The following FAAH2 variants were observed in gnomAD, a reference collection of about 807,000 sequenced individuals.
The protein encoded by FAAH2 is fatty acid amide hydrolase 2.
Under a neutral mutation model 36.9 loss-of-function variants are expected in FAAH2, and 60 were observed. That is an observed-to-expected ratio of 1.63 (90% CI 1.32 to 2.02). The LOEUF (loss-of-function observed/expected upper bound fraction) is 2.02, where lower values mean the gene tolerates loss of function less well. Among genes scored for constraint, FAAH2 ranks in the 30% most tolerant of loss-of-function variants. The probability of loss-of-function intolerance (pLI) is 0.00; values close to 1 mark genes in which losing one functional copy is unlikely to be tolerated. For missense variants in FAAH2, 689 were observed against 397.5 expected (o/e 1.73, Z -6.23); for synonymous variants, 214 against 143.8 (o/e 1.49, Z -3.49).
chrX:57,393,481 T>C, intron 7 of FAAH2: 1 of 937,138 alleles, frequency 1.1e-6, no homozygotes, highest in Middle Eastern at 2.6e-4. Flanking sequence ...CAAGCTAGAG[T>C]GTGATCCGGT....
At chrX:57,359,353 T>C in intron 5 of FAAH2, among the ~76,000 whole-genome samples, 1 of 111,850 alleles carries the variant, frequency 8.9e-6, no homozygotes, top group South Asian at 3.7e-4. Context: ...TAAGGTATTT[T>C]CTAATTTTCA....
intron 7 of FAAH2, among the ~76,000 whole-genome samples, chrX:57,382,889 G>A (rs945087423): frequency 9.0e-6 from 1 of 111,323 alleles, no homozygotes; most frequent in Non-Finnish European, 1.9e-5. Context: ...AGAATTTTAG[G>A]CCAATAACCC....
At chrX:57,208,404 T>C in the FAAH2 span, among the ~76,000 whole-genome samples, 1 of 112,304 alleles carries the variant, frequency 8.9e-6, no homozygotes, top group Non-Finnish European at 1.9e-5. Context: ...TGTTACCGTG[T>C]TGCTTCTGAG....
At chrX:57,470,307 A>G (rs1055575067) in intron 10 of FAAH2, among the ~76,000 whole-genome samples, 3 of 111,731 alleles carry the variant, frequency 2.7e-5, no homozygotes, top group Non-Finnish European at 5.6e-5. Flanking sequence ...CAACGAATCC[A>G]GGAGCTGGTT....
At chrX:57,137,491 CCTGATGCAGTGGCTGTAGTCT>C in the FAAH2 span, 1 of 237,604 alleles carries the variant, frequency 4.2e-6, no homozygotes, top group Non-Finnish European at 6.0e-6. Context: ...GCCACCAGTC[CCTGATGCAGTGGCTGTAGTCT>C]CTGCCCTTTT....
chrX:57,213,814 G>C, the FAAH2 span, among the ~76,000 whole-genome samples: 1 of 111,795 alleles, frequency 8.9e-6, no homozygotes, highest in Non-Finnish European at 1.9e-5. Flanking sequence ...CTGTTGAATA[G>C]AATTGTCTGT....
chrX:57,280,826 T>A, the FAAH2 span, among the ~76,000 whole-genome samples: 1 of 112,255 alleles, frequency 8.9e-6, no homozygotes, highest in East Asian at 2.8e-4. Context: ...CTTACAGATA[T>A]CCTTCAATAG....
intron 3 of FAAH2, among the ~76,000 whole-genome samples, chrX:57,320,768 C>T (rs1731393023): frequency 8.9e-6 from 1 of 112,380 alleles, no homozygotes; most frequent in Non-Finnish European, 1.9e-5. Flanking sequence ...TTGGAACCAA[C>T]CCAAATGCCA....
At chrX:57,214,952 G>A in the FAAH2 span, among the ~76,000 whole-genome samples, 1 of 110,009 alleles carries the variant, frequency 9.1e-6, no homozygotes, top group Non-Finnish European at 1.9e-5. Context: ...ATCTAAAATT[G>A]ACAAATGGGA....
At chrX:57,364,035 T>G (rs1185487832) in intron 5 of FAAH2, among the ~76,000 whole-genome samples, 2 of 63,036 alleles carry the variant, frequency 3.2e-5, no homozygotes, top group Non-Finnish European at 6.4e-5. Flanking sequence ...TTTTTTTTTG[T>G]ATTGGTGGGC....
At chrX:57,485,504 G>T (rs2057458430) in intron 10 of FAAH2, among the ~76,000 whole-genome samples, 1 of 111,965 alleles carries the variant, frequency 8.9e-6, no homozygotes, top group African/African-American at 3.2e-5. Flanking sequence ...GCTGAAGGCT[G>T]CAGAAGTGCC....
At chrX:57,199,228 T>A in the FAAH2 span, among the ~76,000 whole-genome samples, 18 of 111,742 alleles carry the variant, frequency 1.6e-4, no homozygotes, top group Non-Finnish European at 3.8e-5. Context: ...TTTATGTGGA[T>A]ATCTATAGCT....
At chrX:57,445,567 T>C (rs2056657173) in intron 8 of FAAH2, among the ~76,000 whole-genome samples, 1 of 111,894 alleles carries the variant, frequency 8.9e-6, no homozygotes, top group Non-Finnish European at 1.9e-5. Context: ...ACTGGGTTCT[T>C]CACTTCAGGA....
chrX:57,485,303 G>A (rs1401763792), intron 10 of FAAH2, among the ~76,000 whole-genome samples: 4 of 111,364 alleles, frequency 3.6e-5, no homozygotes, highest in Admixed American at 9.5e-5. Context: ...AAAATGGTTG[G>A]CAGCAATCTG....
chrX:57,199,095 G>A, the FAAH2 span, among the ~76,000 whole-genome samples: 1 of 110,099 alleles, frequency 9.1e-6, no homozygotes, highest in African/African-American at 3.3e-5. Flanking sequence ...TCTCTCAGTG[G>A]GAGCTACAAG....
At chrX:57,178,033 G>A in the FAAH2 span, among the ~76,000 whole-genome samples, 2 of 111,291 alleles carry the variant, frequency 1.8e-5, no homozygotes, top group African/African-American at 6.5e-5. Context: ...CACCCAGTGG[G>A]GCTGCCACAC....
At chrX:57,258,993 A>G in the FAAH2 span, among the ~76,000 whole-genome samples, 1 of 110,180 alleles carries the variant, frequency 9.1e-6, no homozygotes, top group Admixed American at 9.7e-5. Flanking sequence ...TGCTGGGATT[A>G]CAGGCATGAG....
chrX:57,427,109 ACT>A (rs1416399075), intron 7 of FAAH2, among the ~76,000 whole-genome samples: 2 of 111,065 alleles, frequency 1.8e-5, no homozygotes, highest in Non-Finnish European at 3.8e-5. Flanking sequence ...AGCATGAACA[ACT>A]CTATGCTAAT....
At chrX:57,195,071 A>G in the FAAH2 span, among the ~76,000 whole-genome samples, 1 of 111,175 alleles carries the variant, frequency 9.0e-6, no homozygotes, top group African/African-American at 3.3e-5. Flanking sequence ...GCTGCTATAA[A>G]CATGCATGTG....
Sources: gnomAD v4.1 joint callset for allele counts (sites outside exome capture counted in the v4.1 genomes callset) on GRCh38, gnomAD v4.1.1 for gene constraint, MANE v1.5 for transcripts, NCBI Gene and HGNC (gene_info 2026-07-23, HGNC 2026-07-21) for gene names.